IL1RL2: variants seen among roughly 807,000 people sequenced by gnomAD.
IL1RL2 encodes interleukin-1 receptor-like 2.
IL1RL2 carries 68 observed loss-of-function variants against 66.8 expected under a neutral mutation model. The observed-to-expected ratio is 1.02, with a 90% CI of 0.84 to 1.25. The LOEUF is 1.25. Ranked by LOEUF, IL1RL2 falls within the 50% of genes most tolerant of loss-of-function variation. The pLI, the probability that IL1RL2 is intolerant of heterozygous loss-of-function variation, is 0.00. For synonymous variants in IL1RL2, 305 were observed against 264.6 expected (o/e 1.15, Z -1.48); for missense variants, 729 against 709.3 (o/e 1.03, Z -0.32).
chr2:102,190,787 A>G (rs1224421745), intron 3 of IL1RL2, among the ~76,000 whole-genome samples: 6 of 152,274 alleles, frequency 3.9e-5, no homozygotes, highest in Non-Finnish European at 7.3e-5. Flanking sequence ...ACATAAATGA[A>G]TCTGGATGTC....
intron 4 of IL1RL2, among the ~76,000 whole-genome samples, chr2:102,195,335 C>T (rs1687573232): frequency 6.6e-6 from 1 of 152,092 alleles, no homozygotes; most frequent in South Asian, 2.1e-4. Context: ...AGTAAAAAGA[C>T]CTTTTTTCCT....
chr2:102,205,310 A>T (rs981084312), intron 5 of IL1RL2, among the ~76,000 whole-genome samples: 1 of 152,098 alleles, frequency 6.6e-6, no homozygotes, highest in Non-Finnish European at 1.5e-5. Context: ...ACAGTGTTAA[A>T]ATATTCTGTG....
At chr2:102,187,374 G>C in intron 1 of IL1RL2, 2 of 1,151,848 alleles carry the variant, frequency 1.7e-6, no homozygotes, top group Non-Finnish European at 2.2e-6. Context: ...CCCAGTGAGC[G>C]GGTGTTTGGG....
At chr2:102,228,214 C>T (rs879751759) in intron 9 of IL1RL2, among the ~76,000 whole-genome samples, 17 of 152,152 alleles carry the variant, frequency 1.1e-4, no homozygotes, top group Non-Finnish European at 2.2e-4. Flanking sequence ...TGTGTGTTGG[C>T]TTTAACAGTG....
chr2:102,234,853 G>A (rs554497518), intron 10 of IL1RL2, 44 bp from the exon 11 acceptor site: 3 of 1,558,078 alleles, frequency 1.9e-6, no homozygotes, highest in African/African-American at 1.4e-5. Context: ...GACCCGGGCT[G>A]TTTTAATTGT....
intron 11 of IL1RL2, among the ~76,000 whole-genome samples, chr2:102,236,148 A>G (rs1674864081): frequency 6.6e-6 from 1 of 152,228 alleles, no homozygotes; most frequent in Non-Finnish European, 1.5e-5. Context: ...AATACTAAAA[A>G]TTAGCTGTAA....
intron 7 of IL1RL2, 49 bp downstream of exon 7, chr2:102,219,131 C>T: frequency 6.2e-7 from 1 of 1,605,598 alleles, no homozygotes; most frequent in Non-Finnish European, 8.5e-7. Flanking sequence ...AAGGATTTCT[C>T]CATCTAAGTG....
In IL1RL2 at chr2:102,239,456, G is replaced by T. The variant is rs1166878318; in HGVS notation, c.*215G>T. ...CTGGGGCCATCCCCGTGGTCATGGA[G>T]GGTGAGAGCTGGGGGTTATCCCCAT... On this transcript the variant is annotated 3_prime_UTR_variant, in exon 12 of 12. Transcript: ENST00000264257. The T allele has an allele frequency of 5.8e-5, 30 of 519,702 alleles. No homozygotes were observed. The allele number at this position is 519,702 out of a possible 1,614,324, so 32.2% of individuals were successfully genotyped here.
At chr2:102,224,519 T>C (rs12473710) in intron 8 of IL1RL2, among the ~76,000 whole-genome samples, 66,647 of 151,834 alleles carry the variant, frequency 0.44, 15,136 homozygotes, top group East Asian at 0.6. Context: ...CTAAAAAAAT[T>C]GATCTCATGA....
chr2:102,241,209 C>A (rs1163224727), downstream of IL1RL2, among the ~76,000 whole-genome samples: 3 of 152,218 alleles, frequency 2.0e-5, no homozygotes, highest in Admixed American at 2.0e-4. Context: ...GAGATAGTGC[C>A]ATTTTCGAAT....
In IL1RL2 at chr2:102,189,245, C is replaced by T. The variant is rs769263185; in HGVS notation, c.228C>T (p.Asp76=). 55 of 1,613,868 alleles carry T rather than the reference C, an allele frequency of 3.4e-5. No individual in the cohort carries two copies. In the East Asian group the frequency reaches 3.8e-4, roughly 11 times the overall value. Reference sequence around the variant, plus strand: ...TCATACAGTCTAGAATTCACCAGGACGAGACTTGGATTTTGTTTCTCCCCA... The same window carrying T: ...TCATACAGTCTAGAATTCACCAGGATGAGACTTGGATTTTGTTTCTCCCCA... ...SKIIQSRIHQ[D]ETWILFLPME... Residue 76 remains aspartate (D), a synonymous_variant, in exon 3 of 12, where the codon GAC becomes GAT. Coordinates refer to ENST00000264257, the MANE Select transcript of IL1RL2 (RefSeq NM_003854.4).
intron 4 of IL1RL2, among the ~76,000 whole-genome samples, chr2:102,195,580 T>G (rs1687617534): frequency 6.3e-5 from 1 of 15,856 alleles, no homozygotes; most frequent in Non-Finnish European, 1.3e-4. Flanking sequence ...TTTCTTTCTT[T>G]CTTTCTTTCT....
chr2:102,226,286 A>G (rs1022757866), intron 9 of IL1RL2, among the ~76,000 whole-genome samples: 2 of 152,178 alleles, frequency 1.3e-5, no homozygotes, highest in Admixed American at 6.5e-5. Flanking sequence ...GGAGGAGATC[A>G]TCTTCTAAGT....
In IL1RL2 at chr2:102,230,708, C is replaced by T. The variant is rs528290134; in HGVS notation, c.1136-2255C>T. Among the ~76,000 whole-genome samples, 22 of 152,188 alleles carry T rather than the reference C, an allele frequency of 1.4e-4. No individual in the cohort carries two copies. In the South Asian group the frequency reaches 1.9e-3, roughly 13 times the overall value. ...GAGTGTGCACGTGTGTGTGTGCATG[C>T]GTGTATATGACTACATGTGCAAGCA... On this transcript the variant is annotated intron_variant, in intron 9 of 11. Coordinates refer to ENST00000264257, the MANE Select transcript of IL1RL2 (RefSeq NM_003854.4).
intron 6 of IL1RL2, among the ~76,000 whole-genome samples, chr2:102,212,731 G>A (rs1188283581): frequency 2.0e-5 from 3 of 152,156 alleles, no homozygotes; most frequent in African/African-American, 7.2e-5. Context: ...CACTTTAGGA[G>A]GCTGAGGCAG....
chr2:102,211,987 G>A, intron 5 of IL1RL2, 113 bp from the exon 6 acceptor site: 3 of 618,124 alleles, frequency 4.9e-6, no homozygotes, highest in Non-Finnish European at 5.6e-6. Flanking sequence ...GTGAGATTTT[G>A]ACCAGAGCTT....
In IL1RL2 at chr2:102,225,469, A is replaced by C. The variant is rs35638226; in HGVS notation, c.992-429A>C. Among the ~76,000 whole-genome samples, 997 of 152,350 alleles carry C rather than the reference A, an allele frequency of 6.5e-3. 12 individuals are homozygous for C. Among genetic ancestry groups the C allele is most frequent in the African/African-American group, 0.022 (919 of 41,578 alleles). ...TTTGAATGGCTGGGAAAGCAGTTAC[A>C]ATATGATTGTAATCAAGAAAGGGCA... is the stretch of plus-strand genomic sequence containing the variant. On this transcript the variant is annotated intron_variant, in intron 8 of 11. Transcript: ENST00000264257.
chr2:102,242,092 C>T (rs895831244), downstream of IL1RL2, among the ~76,000 whole-genome samples: 2 of 152,118 alleles, frequency 1.3e-5, no homozygotes. Flanking sequence ...CAGACACTTA[C>T]GCAAGTCTGC....
At chr2:102,226,068 G>C (rs1226851780) in intron 9 of IL1RL2, 27 bp downstream of exon 9, 2 of 1,539,186 alleles carry the variant, frequency 1.3e-6, no homozygotes, top group Non-Finnish European at 8.7e-7. Flanking sequence ...ACTGAAAAAT[G>C]CCTCAAAATT....
Sources: allele counts gnomAD v4.1 joint callset (sites outside exome capture counted in the v4.1 genomes callset), GRCh38; gene constraint gnomAD v4.1.1; transcripts MANE v1.5; gene names NCBI Gene and HGNC (gene_info 2026-07-23, HGNC 2026-07-21).